ADAMTSL1: variants seen among roughly 807,000 people sequenced by gnomAD.
ADAMTSL1 encodes the protein ADAMTS like 1.
In ADAMTSL1, 126 loss-of-function variants were observed where a neutral mutation model predicts 201.8. The observed-to-expected ratio is 0.62, with a 90% CI of 0.54 to 0.72. The LOEUF (loss-of-function observed/expected upper bound fraction) is 0.72. ADAMTSL1 is among the 30% of genes least tolerant of loss of function. ADAMTSL1 has a pLI of 0.00. For synonymous variants in ADAMTSL1, 1,121 were observed against 903.4 expected, an observed-to-expected ratio of 1.24 and a Z score of -4.32; for missense variants, 2,679 against 2,277.8, an observed-to-expected ratio of 1.18 and a Z score of -3.59.
chr9:18,249,090 C>T (rs1831368450), intron 2 of ADAMTSL1, among the ~76,000 whole-genome samples: 1 of 152,032 alleles, frequency 6.6e-6, no homozygotes, highest in Non-Finnish European at 1.5e-5. Context: ...TGGAGGCATC[C>T]GTGATGCGAG....
intron 2 of ADAMTSL1, among the ~76,000 whole-genome samples, chr9:18,195,528 T>G (rs1204674581): frequency 6.6e-6 from 1 of 152,196 alleles, no homozygotes; most frequent in East Asian, 1.9e-4. Context: ...CGTCTCATGC[T>G]GTTTCCAGGG....
chr9:18,792,662 A>C (rs1174393289), intron 19 of ADAMTSL1, among the ~76,000 whole-genome samples: 1 of 152,268 alleles, frequency 6.6e-6, no homozygotes, highest in African/African-American at 2.4e-5. Context: ...TTGTGAAAGC[A>C]TAAATATTCC....
intron 23 of ADAMTSL1, among the ~76,000 whole-genome samples, chr9:18,886,474 C>T (rs766610752): frequency 6.6e-6 from 1 of 152,052 alleles, no homozygotes; most frequent in Non-Finnish European, 1.5e-5. Flanking sequence ...CTGTCTTAGT[C>T]CAGTCAGGCT....
At chr9:18,893,788 T>C (rs1283210891) in intron 26 of ADAMTSL1, among the ~76,000 whole-genome samples, 1 of 152,270 alleles carries the variant, frequency 6.6e-6, no homozygotes, top group Admixed American at 6.5e-5. Context: ...AAAAAAATCC[T>C]TTTGGAATAG....
At chr9:18,438,590 C>A (rs1442517247) in intron 2 of ADAMTSL1, among the ~76,000 whole-genome samples, 1 of 152,190 alleles carries the variant, frequency 6.6e-6, no homozygotes. Context: ...CCCGCACTGC[C>A]CTCTTGCATT....
At chr9:18,226,395 A>G (rs968616327) in intron 2 of ADAMTSL1, among the ~76,000 whole-genome samples, 3 of 152,152 alleles carry the variant, frequency 2.0e-5, no homozygotes, top group Admixed American at 2.0e-4. Flanking sequence ...CCTCACCCCT[A>G]TTGAGTCTGA....
intron 19 of ADAMTSL1, among the ~76,000 whole-genome samples, chr9:18,779,038 T>C (rs1296310511): frequency 6.6e-6 from 1 of 152,268 alleles, no homozygotes; most frequent in Admixed American, 6.5e-5. Context: ...CCAGCATTTA[T>C]TGTTCCAGGC....
At chr9:18,448,749 C>T (rs974303428) in intron 2 of ADAMTSL1, among the ~76,000 whole-genome samples, 3 of 152,100 alleles carry the variant, frequency 2.0e-5, no homozygotes, top group Admixed American at 2.0e-4. Flanking sequence ...TGAAAGTTTT[C>T]CTCTTTCTGC....
intron 3 of ADAMTSL1, among the ~76,000 whole-genome samples, chr9:18,542,250 GT>G (rs1820199128): frequency 6.6e-6 from 1 of 152,176 alleles, no homozygotes; most frequent in African/African-American, 2.4e-5. Flanking sequence ...GTTTTTATTT[GT>G]TTTTGAAACA....
At chr9:18,294,980 A>C (rs779982785) in intron 2 of ADAMTSL1, among the ~76,000 whole-genome samples, 64 of 151,922 alleles carry the variant, frequency 4.2e-4, no homozygotes, top group Non-Finnish European at 7.1e-4. Flanking sequence ...TCCTCTTATC[A>C]GTACCAAGAT....
intron 4 of ADAMTSL1, among the ~76,000 whole-genome samples, chr9:18,608,491 A>G (rs114811504): frequency 0.042 from 6,334 of 152,240 alleles, 167 homozygotes; most frequent in East Asian, 0.13. Flanking sequence ...TGAATGGGAA[A>G]ATGTATGCAG....
chr9:18,465,532 A>G (rs906759126), intron 2 of ADAMTSL1, among the ~76,000 whole-genome samples: 3 of 152,166 alleles, frequency 2.0e-5, no homozygotes, highest in Admixed American at 2.0e-4. Flanking sequence ...AAAGGGAGAG[A>G]GGGTATGCCC....
At chr9:18,607,355 G>C (rs183990706) in intron 4 of ADAMTSL1, among the ~76,000 whole-genome samples, 1 of 152,066 alleles carries the variant, frequency 6.6e-6, no homozygotes, top group African/African-American at 2.4e-5. Flanking sequence ...TAAAATTCGT[G>C]GTCAAATATG....
intron 4 of ADAMTSL1, among the ~76,000 whole-genome samples, chr9:18,579,445 T>C (rs1822954498): frequency 6.6e-6 from 1 of 150,966 alleles, no homozygotes; most frequent in Admixed American, 6.6e-5. Context: ...TGTATACATA[T>C]GTAACTAACC....
intron 2 of ADAMTSL1, among the ~76,000 whole-genome samples, chr9:18,510,949 A>T (rs1290321636): frequency 6.6e-6 from 1 of 152,142 alleles, no homozygotes; most frequent in Admixed American, 6.5e-5. Context: ...TTTAATACTA[A>T]AGATCTATCT....
intron 19 of ADAMTSL1, among the ~76,000 whole-genome samples, chr9:18,789,591 G>A (rs972564918): frequency 1.3e-5 from 2 of 152,184 alleles, no homozygotes; most frequent in Admixed American, 1.3e-4. Flanking sequence ...AGAGAACTAT[G>A]AATGAGATAA....
At chr9:18,253,906 T>A (rs1038609895) in intron 2 of ADAMTSL1, among the ~76,000 whole-genome samples, 1 of 152,134 alleles carries the variant, frequency 6.6e-6, no homozygotes, top group Middle Eastern at 3.2e-3. Context: ...TTTTGATGAG[T>A]CTTTGATGAT....
chr9:17,917,280 AGTACAAGGTT>A (rs1826132089), intron 1 of ADAMTSL1, among the ~76,000 whole-genome samples: 1 of 152,100 alleles, frequency 6.6e-6, no homozygotes, highest in African/African-American at 2.4e-5. Context: ...TCGAACCTCC[AGTACAAGGTT>A]GGATAGAAGT....
intron 4 of ADAMTSL1, among the ~76,000 whole-genome samples, chr9:18,577,257 G>T (rs1822794350): frequency 6.6e-6 from 1 of 152,162 alleles, no homozygotes; most frequent in African/African-American, 2.4e-5. Context: ...AGGCTGAGGA[G>T]GGCGGATCAC....
Sources: gnomAD v4.1 joint callset for allele counts (sites outside exome capture counted in the v4.1 genomes callset) on GRCh38, gnomAD v4.1.1 for gene constraint, MANE v1.5 for transcripts, NCBI Gene and HGNC (gene_info 2026-07-23, HGNC 2026-07-21) for gene names.